Variants in DSCAM observed in about 807,000 individuals in gnomAD.
DSCAM encodes the protein DS cell adhesion molecule.
In DSCAM, 47 loss-of-function variants were observed where a neutral mutation model predicts 217.7. The ratio of observed to expected loss-of-function variants is 0.22; its 90% confidence interval spans 0.17 to 0.28. DSCAM has a LOEUF of 0.28. Among genes scored for constraint, DSCAM ranks in the 10% least tolerant of loss-of-function variants. The pLI, the probability that DSCAM is intolerant of heterozygous loss-of-function variation, is 1.00. For missense variants in DSCAM, 2,080 were observed against 2,618.3 expected (o/e 0.79, Z 4.49); for synonymous variants, 1,056 against 1,015.3 (o/e 1.04, Z -0.76).
intron 1 of DSCAM, among the ~76,000 whole-genome samples, chr21:40,759,581 A>T (rs532866123): frequency 3.0e-4 from 46 of 152,278 alleles, no homozygotes; most frequent in Non-Finnish European, 5.3e-4. Flanking sequence ...CTAATTATGC[A>T]CATCAATACG....
At chr21:40,441,500 A>G (rs1456906984) in intron 3 of DSCAM, among the ~76,000 whole-genome samples, 1 of 152,182 alleles carries the variant, frequency 6.6e-6, no homozygotes, top group African/African-American at 2.4e-5. Flanking sequence ...ATATTCCACA[A>G]TATGAGAAGG....
At chr21:40,275,979 C>G (rs913121895) in intron 11 of DSCAM, 118 bp downstream of exon 11, 17 of 1,095,884 alleles carry the variant, frequency 1.6e-5, no homozygotes, top group Non-Finnish European at 2.0e-5. Context: ...TATATCACAC[C>G]AACGGGTCTT....
At chr21:40,792,659 G>A (rs1001604994) in intron 1 of DSCAM, among the ~76,000 whole-genome samples, 29 of 152,294 alleles carry the variant, frequency 1.9e-4, no homozygotes, top group African/African-American at 7.0e-4. Flanking sequence ...ACAAAGTCAG[G>A]GGTCTTCAGA....
At chr21:40,784,704 T>C (rs942374416) in intron 1 of DSCAM, among the ~76,000 whole-genome samples, 13 of 152,190 alleles carry the variant, frequency 8.5e-5, no homozygotes, top group Admixed American at 3.3e-4. Flanking sequence ...CCTGATAGAA[T>C]TGACTCCAGA....
At chr21:40,611,238 T>C (rs368701797) in intron 3 of DSCAM, among the ~76,000 whole-genome samples, 1 of 151,950 alleles carries the variant, frequency 6.6e-6, no homozygotes, top group Admixed American at 6.6e-5. Context: ...TTTGTAATTT[T>C]AGTAGAGACT....
chr21:40,270,871 A>G (rs2073606778), intron 11 of DSCAM, among the ~76,000 whole-genome samples: 1 of 152,172 alleles, frequency 6.6e-6, no homozygotes, highest in Non-Finnish European at 1.5e-5. Context: ...TAGGATAAAG[A>G]TTTGTGGGTA....
At chr21:40,812,837 A>G (rs1170613275) in intron 1 of DSCAM, among the ~76,000 whole-genome samples, 2 of 152,176 alleles carry the variant, frequency 1.3e-5, no homozygotes, top group African/African-American at 4.8e-5. Flanking sequence ...TAAAAGAAGG[A>G]GGGAGAAAGT....
intron 3 of DSCAM, among the ~76,000 whole-genome samples, chr21:40,423,349 CGAGA>C (rs59854604): frequency 8.6e-5 from 13 of 151,768 alleles, no homozygotes; most frequent in African/African-American, 2.9e-4. Flanking sequence ...TTATCCACAA[CGAGA>C]GAGAGAGAGA....
intron 1 of DSCAM, among the ~76,000 whole-genome samples, chr21:40,822,646 T>A (rs2091938751): frequency 6.6e-6 from 1 of 152,170 alleles, no homozygotes; most frequent in East Asian, 1.9e-4. Flanking sequence ...ACTGGTTTCA[T>A]CTTCGGTCAT....
chr21:40,743,189 C>T (rs560606031), intron 1 of DSCAM, among the ~76,000 whole-genome samples: 24 of 152,244 alleles, frequency 1.6e-4, no homozygotes, highest in Admixed American at 8.5e-4. Flanking sequence ...ATTTTATTGA[C>T]GGCAACTAGC....
intron 3 of DSCAM, among the ~76,000 whole-genome samples, chr21:40,371,663 A>G (rs1419157204): frequency 6.6e-6 from 1 of 152,078 alleles, no homozygotes; most frequent in African/African-American, 2.4e-5. Flanking sequence ...TTTTTCGTTT[A>G]CCCACTTACG....
intron 3 of DSCAM, among the ~76,000 whole-genome samples, chr21:40,547,194 G>A (rs1258182343): frequency 6.6e-6 from 1 of 152,122 alleles, no homozygotes; most frequent in Non-Finnish European, 1.5e-5. Flanking sequence ...ATAGCAGCAA[G>A]GAAGACAGCC....
chr21:40,712,957 G>A (rs897297058), intron 1 of DSCAM, among the ~76,000 whole-genome samples: 1 of 152,176 alleles, frequency 6.6e-6, no homozygotes, highest in African/African-American at 2.4e-5. Context: ...CTGCTCCCCT[G>A]TGAGGGACAC....
At position 40,573,821 on chromosome 21, in the gene DSCAM, G is replaced by T. The variant is rs578107422; in HGVS notation, c.508+118989C>A. On this transcript the variant is annotated intron_variant, in intron 3 of 32. Coordinates refer to ENST00000400454, the MANE Select transcript of DSCAM (RefSeq NM_001389.5). ...TAGTAGCATCTCTCCAGGTTCTACA[G>T]ATATTAAAAATAAGGGAATATCATA... Among the ~76,000 whole-genome samples the T allele has an allele frequency of 2.2e-3, 339 of 152,232 alleles. 1 individual carries two copies. Among genetic ancestry groups the T allele is most frequent in the African/African-American group, 7.8e-3 (326 of 41,572 alleles).
At chr21:40,760,708 T>C (rs1417043314) in intron 1 of DSCAM, among the ~76,000 whole-genome samples, 1 of 152,234 alleles carries the variant, frequency 6.6e-6, no homozygotes, top group Non-Finnish European at 1.5e-5. Flanking sequence ...GATCCTTGAC[T>C]GATGCCTGGC....
chr21:40,758,528 A>AAC (rs2091298517), intron 1 of DSCAM, among the ~76,000 whole-genome samples: 1 of 151,770 alleles, frequency 6.6e-6, no homozygotes, highest in East Asian at 1.9e-4. Flanking sequence ...AAAAAAAAAA[A>AAC]AAAAAGACCT....
intron 3 of DSCAM, among the ~76,000 whole-genome samples, chr21:40,602,307 C>A (rs935324181): frequency 2.0e-5 from 3 of 152,044 alleles, no homozygotes; most frequent in African/African-American, 7.2e-5. Flanking sequence ...GCAATCCGCC[C>A]GCTGCGGCTT....
At chr21:40,395,210 A>T (rs1311265182) in intron 3 of DSCAM, among the ~76,000 whole-genome samples, 1 of 152,170 alleles carries the variant, frequency 6.6e-6, no homozygotes, top group East Asian at 1.9e-4. Flanking sequence ...TTAACTTGAG[A>T]AGAGACTATT....
At chr21:40,377,141 G>C (rs553105711) in intron 3 of DSCAM, among the ~76,000 whole-genome samples, 1 of 152,048 alleles carries the variant, frequency 6.6e-6, no homozygotes, top group Non-Finnish European at 1.5e-5. Flanking sequence ...CACTGCTTTC[G>C]GCATTATTTA....
Sources: gnomAD v4.1 joint callset for allele counts (sites outside exome capture counted in the v4.1 genomes callset) on GRCh38, gnomAD v4.1.1 for gene constraint, MANE v1.5 for transcripts, NCBI Gene and HGNC (gene_info 2026-07-23, HGNC 2026-07-21) for gene names.